NDST3: variants seen among roughly 807,000 people sequenced by gnomAD.
NDST3 encodes the protein bifunctional heparan sulfate N-deacetylase/N-sulfotransferase 3.
NDST3 carries 58 observed loss-of-function variants against 96.1 expected under a neutral mutation model. The observed-to-expected ratio is 0.60, with a 90% CI of 0.49 to 0.75. NDST3 has a LOEUF of 0.75. Among genes scored for constraint, NDST3 ranks in the 30% least tolerant of loss-of-function variants. The probability of loss-of-function intolerance (pLI) is 0.00; values close to 1 mark genes in which losing one functional copy is unlikely to be tolerated. For missense variants in NDST3, 788 were observed against 1,034.2 expected (o/e 0.76, Z 3.27); for synonymous variants, 333 against 359.7 (o/e 0.93, Z 0.84).
chr4:118,045,082 G>C (rs763165815), intron 1 of NDST3, among the ~76,000 whole-genome samples: 1 of 151,800 alleles, frequency 6.6e-6, no homozygotes, highest in Non-Finnish European at 1.5e-5. Flanking sequence ...CATAATCTGG[G>C]TTACCCATAC....
intron 6 of NDST3, among the ~76,000 whole-genome samples, chr4:118,177,247 G>A (rs974710409): frequency 6.6e-6 from 1 of 151,996 alleles, no homozygotes; most frequent in Non-Finnish European, 1.5e-5. Context: ...TGGTAAATAG[G>A]ATAGGATTCT....
In NDST3 at chr4:118,066,182, ATATATCTTATATATTATATTT is replaced by A. The variant is rs1560617729; in HGVS notation, c.981+11297_981+11317del. ...TATTATATATTATATTTTATATATT[ATATATCTTATATATTATATTT>A]TATATATTATACATAATATATTATA... On this transcript the variant is annotated intron_variant, in intron 2 of 13. Transcript: ENST00000296499. Among the ~76,000 whole-genome samples, 15 of 22,156 alleles carry A rather than the reference ATATATCTTATATATTATATTT, an allele frequency of 6.8e-4. No homozygotes were observed. The East Asian group carries it at 0.018, about 26-fold the overall frequency. The allele number at this position is 22,156 out of a possible 152,430, so 14.5% of individuals were successfully genotyped here. A position where few individuals can be genotyped will look rare whatever the true frequency, so the allele number is the denominator to read the frequency against.
At chr4:118,115,364 A>G (rs985129235) in intron 4 of NDST3, among the ~76,000 whole-genome samples, 20 of 152,242 alleles carry the variant, frequency 1.3e-4, no homozygotes, top group Admixed American at 1.3e-3. Flanking sequence ...GTTCAAAGAA[A>G]TAAGTATCAC....
intron 4 of NDST3, among the ~76,000 whole-genome samples, chr4:118,117,753 A>G (rs1731237147): frequency 6.6e-6 from 1 of 152,172 alleles, no homozygotes; most frequent in African/African-American, 2.4e-5. Flanking sequence ...TGCTGCATAA[A>G]TTGCAGTGTT....
chr4:118,135,384 G>A (rs929035658), intron 4 of NDST3, among the ~76,000 whole-genome samples: 2 of 152,124 alleles, frequency 1.3e-5, no homozygotes, highest in African/African-American at 4.8e-5. Flanking sequence ...AAGTGGCCCA[G>A]TAGTTTCATA....
At chr4:118,251,253 A>G (rs1741713221) in intron 12 of NDST3, among the ~76,000 whole-genome samples, 1 of 150,346 alleles carries the variant, frequency 6.7e-6, no homozygotes, top group African/African-American at 2.4e-5. Flanking sequence ...CAGCCTCCCA[A>G]GTAGCTGGGA....
chr4:118,065,415 A>G (rs532474524), intron 2 of NDST3, among the ~76,000 whole-genome samples: 27 of 152,232 alleles, frequency 1.8e-4, no homozygotes, highest in African/African-American at 6.3e-4. Flanking sequence ...AACATGGGGG[A>G]GCAAGTAACT....
rs1304183949 is a variant in NDST3, at chr4:118,138,067, C to A, written c.1238C>A (p.Pro413Gln). Residue 413 changes from proline (P) to glutamine (Q), a missense_variant, in exon 5 of 14, where the codon CCA (proline) becomes CAA (glutamine). This residue lies in a region of NDST3 where 490 missense variants were observed against 708.8 expected (regional missense o/e 0.69). Transcript: ENST00000296499. Reference sequence around the variant, plus strand: ...GCTTGGTCTTAGGAGCACGGCATTCCAACGGACATGGGCTACGCTGTGGCC... The same window carrying A: ...GCTTGGTCTTAGGAGCACGGCATTCAAACGGACATGGGCTACGCTGTGGCC... ...NKKFALEHGIPTDMGYAVAPH... is the reference protein window; with the variant it reads ...NKKFALEHGIQTDMGYAVAPH... The A allele has an allele frequency of 5.0e-6, 8 of 1,606,746 alleles. No homozygotes were observed. The highest frequency in any genetic ancestry group is 6.8e-6 in the Non-Finnish European group (8 of 1,176,930).
chr4:118,215,054 T>C (rs546626212), intron 6 of NDST3, among the ~76,000 whole-genome samples: 17 of 152,272 alleles, frequency 1.1e-4, no homozygotes, highest in South Asian at 4.1e-4. Context: ...GAGCTCAATT[T>C]AGCCATGTTT....
At chr4:118,084,422 G>A (rs1470008006) in intron 2 of NDST3, among the ~76,000 whole-genome samples, 1 of 152,028 alleles carries the variant, frequency 6.6e-6, no homozygotes. Context: ...GCCCCTTTTT[G>A]TACCAAAGCC....
At chr4:118,061,266 G>A (rs912512847) in intron 2 of NDST3, among the ~76,000 whole-genome samples, 1 of 152,002 alleles carries the variant, frequency 6.6e-6, no homozygotes, top group African/African-American at 2.4e-5. Context: ...TCTCTTCTTT[G>A]CTTCCTTTAG....
intron 6 of NDST3, among the ~76,000 whole-genome samples, chr4:118,186,553 C>T (rs1736977335): frequency 6.6e-6 from 1 of 152,128 alleles, no homozygotes; most frequent in Non-Finnish European, 1.5e-5. Flanking sequence ...GATCTCTCCA[C>T]GTTGTTCTGC....
At chr4:118,171,765 A>G (rs998810999) in intron 6 of NDST3, among the ~76,000 whole-genome samples, 13 of 152,160 alleles carry the variant, frequency 8.5e-5, no homozygotes, top group Non-Finnish European at 1.3e-4. Context: ...AGATAATTGA[A>G]TAATTGGGCC....
intron 6 of NDST3, among the ~76,000 whole-genome samples, chr4:118,146,279 C>T (rs1202222392): frequency 6.6e-6 from 1 of 152,128 alleles, no homozygotes; most frequent in East Asian, 1.9e-4. Flanking sequence ...TACCCCAGGC[C>T]TCAATTAGAA....
intron 6 of NDST3, among the ~76,000 whole-genome samples, chr4:118,190,197 T>C (rs545755285): frequency 6.6e-6 from 1 of 152,210 alleles, no homozygotes; most frequent in East Asian, 1.9e-4. Flanking sequence ...GTGAAAACTC[T>C]GAAAGTAATT....
chr4:118,128,281 T>C (rs1464081851), intron 4 of NDST3, among the ~76,000 whole-genome samples: 2 of 152,082 alleles, frequency 1.3e-5, no homozygotes, highest in African/African-American at 4.8e-5. Context: ...GAGGAAAGCC[T>C]TTCAGTTTTT....
chr4:118,089,320 T>A (rs1728681059), intron 2 of NDST3, among the ~76,000 whole-genome samples: 1 of 151,958 alleles, frequency 6.6e-6, no homozygotes, highest in South Asian at 2.1e-4. Flanking sequence ...TATCATTTAC[T>A]ACATTTTTTT....
intron 2 of NDST3, among the ~76,000 whole-genome samples, chr4:118,090,683 C>T (rs1376031266): frequency 6.6e-6 from 1 of 151,790 alleles, no homozygotes; most frequent in African/African-American, 2.4e-5. Context: ...TCTTTCTTCA[C>T]TCGAAGGAAG....
chr4:118,242,906 C>G (rs1741094701), intron 12 of NDST3, among the ~76,000 whole-genome samples: 1 of 152,098 alleles, frequency 6.6e-6, no homozygotes, highest in African/African-American at 2.4e-5. Context: ...TCTCTTACCT[C>G]ACCCTAGTGC....
Sources: gnomAD v4.1 joint callset for allele counts (sites outside exome capture counted in the v4.1 genomes callset) on GRCh38, gnomAD v4.1.1 for gene constraint, gnomAD v4.1.1 regional missense constraint, MANE v1.5 for transcripts, NCBI Gene and HGNC (gene_info 2026-07-23, HGNC 2026-07-21) for gene names.